TGFBR3: variants seen among roughly 807,000 people sequenced by gnomAD.
TGFBR3 encodes the protein transforming growth factor beta receptor type 3.
A neutral mutation model predicts 87.9 loss-of-function variants in TGFBR3; 46 were observed. The observed-to-expected ratio is 0.52, with a 90% CI of 0.41 to 0.67. TGFBR3 has a LOEUF of 0.67. Among genes scored for constraint, TGFBR3 ranks in the 30% least tolerant of loss-of-function variants. The pLI is 0.00. For synonymous variants in TGFBR3, 381 were observed against 391.6 expected, an observed-to-expected ratio of 0.97 and a Z score of 0.32; for missense variants, 866 against 1,041.9, an observed-to-expected ratio of 0.83 and a Z score of 2.32.
chr1:91,861,159 T>TA (rs768137409), intron 2 of TGFBR3, among the ~76,000 whole-genome samples: 2 of 151,952 alleles, frequency 1.3e-5, no homozygotes, highest in Non-Finnish European at 2.9e-5. Flanking sequence ...ACCAGCATGC[T>TA]AGGAGGCCAA....
At chr1:91,685,212 A>G (rs1337894997) in intron 16 of TGFBR3, among the ~76,000 whole-genome samples, 1 of 151,948 alleles carries the variant, frequency 6.6e-6, no homozygotes, top group African/African-American at 2.4e-5. Flanking sequence ...GCTTGTTGTA[A>G]GTTTGGCCCT....
chr1:91,844,385 T>G (rs1170568772), intron 2 of TGFBR3, among the ~76,000 whole-genome samples: 1 of 152,192 alleles, frequency 6.6e-6, no homozygotes, highest in Non-Finnish European at 1.5e-5. Flanking sequence ...AAGACAGACA[T>G]GATGAATCTT....
intron 13 of TGFBR3, among the ~76,000 whole-genome samples, chr1:91,709,925 C>T (rs552602317): frequency 2.6e-5 from 4 of 152,128 alleles, no homozygotes; most frequent in Non-Finnish European, 5.9e-5. Flanking sequence ...CTACACCCAG[C>T]TAATATATAT....
At chr1:91,878,581 T>A (rs1388497201) in intron 1 of TGFBR3, among the ~76,000 whole-genome samples, 1 of 152,198 alleles carries the variant, frequency 6.6e-6, no homozygotes, top group Non-Finnish European at 1.5e-5. Context: ...TGTTCTCACC[T>A]ATAAAAGGTA....
chr1:91,879,840 GATTT>G (rs879661934), intron 1 of TGFBR3, among the ~76,000 whole-genome samples: 5 of 152,208 alleles, frequency 3.3e-5, no homozygotes, highest in East Asian at 1.9e-4. Flanking sequence ...TATATTCCTA[GATTT>G]ATTTATTATA....
chr1:91,723,829 G>T (rs1376594684), intron 7 of TGFBR3, among the ~76,000 whole-genome samples: 1 of 152,144 alleles, frequency 6.6e-6, no homozygotes, highest in Non-Finnish European at 1.5e-5. Flanking sequence ...ATTTTCTCCT[G>T]CATGCATGCA....
chr1:91,761,481 T>C (rs1271932792), intron 3 of TGFBR3, among the ~76,000 whole-genome samples: 2 of 152,182 alleles, frequency 1.3e-5, no homozygotes, highest in Non-Finnish European at 2.9e-5. Flanking sequence ...GAATTCACAC[T>C]ACAATTGGGA....
intron 1 of TGFBR3, among the ~76,000 whole-genome samples, chr1:91,876,029 G>GA (rs1678795250): frequency 6.6e-6 from 1 of 151,812 alleles, no homozygotes; most frequent in Non-Finnish European, 1.5e-5. Flanking sequence ...AAAAATGGGG[G>GA]AAAAAGGATA....
chr1:91,698,798 C>A (rs17882253), intron 14 of TGFBR3, among the ~76,000 whole-genome samples: 3 of 152,186 alleles, frequency 2.0e-5, no homozygotes, highest in Non-Finnish European at 4.4e-5. Flanking sequence ...CGAGCCACTG[C>A]GCCCAGCCTT....
At chr1:91,722,805 T>C (rs941797477) in intron 7 of TGFBR3, among the ~76,000 whole-genome samples, 4 of 152,212 alleles carry the variant, frequency 2.6e-5, no homozygotes, top group Non-Finnish European at 5.9e-5. Context: ...CACTGAATAC[T>C]GTAGGCAGTA....
At chr1:91,867,976 T>C (rs1678446663) in intron 1 of TGFBR3, among the ~76,000 whole-genome samples, 1 of 152,252 alleles carries the variant, frequency 6.6e-6, no homozygotes, top group African/African-American at 2.4e-5. Context: ...TGGAGTGCAG[T>C]GGCACGATGT....
chr1:91,779,730 T>C (rs964781001), intron 3 of TGFBR3, among the ~76,000 whole-genome samples: 9 of 147,062 alleles, frequency 6.1e-5, no homozygotes, highest in Non-Finnish European at 1.2e-4. Context: ...GGAGGGAGCA[T>C]GGAACTCAAA....
intron 2 of TGFBR3, among the ~76,000 whole-genome samples, chr1:91,838,075 T>C (rs1571560018): frequency 6.6e-6 from 1 of 152,206 alleles, no homozygotes; most frequent in Admixed American, 6.5e-5. Context: ...ACACTGATAA[T>C]TGAGTGACTT....
At chr1:91,736,288 T>C (rs530996057) in intron 4 of TGFBR3, among the ~76,000 whole-genome samples, 37 of 148,936 alleles carry the variant, frequency 2.5e-4, no homozygotes, top group African/African-American at 8.9e-4. Context: ...CATCAGGACA[T>C]TCAGAAATGA....
intron 4 of TGFBR3, among the ~76,000 whole-genome samples, chr1:91,746,617 T>TC (rs1178350888): frequency 1.3e-5 from 2 of 149,840 alleles, no homozygotes; most frequent in African/African-American, 4.8e-5. Context: ...GGGAAGACTC[T>TC]CTTTTTTTTT....
intron 2 of TGFBR3, among the ~76,000 whole-genome samples, chr1:91,858,903 A>G (rs1678069402): frequency 1.3e-5 from 2 of 151,832 alleles, no homozygotes; most frequent in Admixed American, 1.3e-4. Context: ...CAAAAATACA[A>G]AAATTAGCTG....
intron 2 of TGFBR3, among the ~76,000 whole-genome samples, chr1:91,898,582 G>A (rs1416846906): frequency 2.0e-5 from 3 of 151,956 alleles, no homozygotes; most frequent in Non-Finnish European, 4.4e-5. Context: ...GACCACAGGC[G>A]CCCGCCACCA....
chr1:91,808,151 G>A (rs1270611579), intron 2 of TGFBR3, among the ~76,000 whole-genome samples: 1 of 152,198 alleles, frequency 6.6e-6, no homozygotes, highest in Non-Finnish European at 1.5e-5. Context: ...AGCTGGGCAT[G>A]TACTCCCTGT....
At chr1:91,789,229 C>T (rs563615054) in intron 3 of TGFBR3, among the ~76,000 whole-genome samples, 6 of 152,172 alleles carry the variant, frequency 3.9e-5, no homozygotes, top group Non-Finnish European at 8.8e-5. Flanking sequence ...ATCTCTTGAA[C>T]CCAAGAGGCG....
Sources: allele counts gnomAD v4.1 joint callset (sites outside exome capture counted in the v4.1 genomes callset), GRCh38; gene constraint gnomAD v4.1.1; transcripts MANE v1.5; gene names NCBI Gene and HGNC (gene_info 2026-07-23, HGNC 2026-07-21).